The following NCLN variants were observed in gnomAD, a reference collection of about 807,000 sequenced individuals.
NCLN encodes the protein BOS complex subunit NCLN.
In NCLN, 34 loss-of-function variants were observed where a neutral mutation model predicts 69.5. The observed-to-expected ratio is 0.49, with a 90% confidence interval of 0.37 to 0.65. The LOEUF (loss-of-function observed/expected upper bound fraction) is 0.65. Ranked by LOEUF, NCLN falls within the 30% of genes least tolerant of loss-of-function variation. NCLN has a pLI of 0.00. For missense variants in NCLN, 710 were observed against 804.8 expected (o/e 0.88, Z 1.42); for synonymous variants, 393 against 358.3 (o/e 1.10, Z -1.09).
chr19:3,189,631 A>G (rs1220253599), intron 1 of NCLN, among the ~76,000 whole-genome samples: 1 of 152,220 alleles, frequency 6.6e-6, no homozygotes, highest in Non-Finnish European at 1.5e-5. Flanking sequence ...GTCCACCACA[A>G]GTGGTCTCAG....
At chr19:3,191,240 TGA>T (rs911778900) in intron 1 of NCLN, among the ~76,000 whole-genome samples, 1 of 151,874 alleles carries the variant, frequency 6.6e-6, no homozygotes, top group Non-Finnish European at 1.5e-5. Flanking sequence ...GACGTTTTGC[TGA>T]GAGAGGAGGG....
Position 3,207,788 on chromosome 19 carries a change from C to A in NCLN, c.*100C>A. ...CCCGCCGCGGGCGGCCCTGCAGGGA[C>A]AGGGGCCCTCTCCCTCCCCGGCGGT... is the stretch of plus-strand genomic sequence containing the variant. On this transcript the variant is annotated 3_prime_UTR_variant, in exon 15 of 15. Transcript: ENST00000246117. 1.0e-6 allele frequency: 1 copy of A among 977,000 alleles called. No homozygotes were observed. Among genetic ancestry groups the A allele is most frequent in the Non-Finnish European group, 1.6e-6 (1 of 621,152 alleles). The allele number at this position is 977,000 out of a possible 1,614,324, so 60.5% of individuals were successfully genotyped here. A position where few individuals can be genotyped will look rare whatever the true frequency, so the allele number is the denominator to read the frequency against.
rs946878747 is a variant in NCLN, at chr19:3,205,396, G to A, written c.1209-543G>A. Among the ~76,000 whole-genome samples, 5 of 152,236 alleles carry A rather than the reference G, an allele frequency of 3.3e-5. No individual in the cohort carries two copies. The stretch of plus-strand genomic sequence containing the variant: ...CACTGGGCCCTCAGGAGTGGTTTGA[G>A]CTCAGCCATCGGAGGCCTGCAGAAG... On this transcript the variant is annotated intron_variant, in intron 9 of 14. Transcript: ENST00000246117. This position sits in a 1 kb window ranked among gnomAD's most constrained non-coding sequence, Gnocchi z 4.6.
chr19:3,207,676 C>T lies in NCLN; in HGVS notation c.1680C>T (p.Ala560=), dbSNP rs1916308955. 6.2e-7 allele frequency: 1 copy of T among 1,612,510 alleles called. No homozygotes were observed. Among genetic ancestry groups the T allele is most frequent in the African/African-American group, 1.3e-5 (1 of 74,930 alleles). The change falls in exon 15 of 15, where the codon GCC becomes GCT. Residue 560 remains alanine, a synonymous_variant. Coordinates refer to ENST00000246117, the MANE Select transcript of NCLN (RefSeq NM_020170.4). ...YKTVQRLLVK[A]KTQ ...CCGTCCAGAGGCTGCTCGTGAAGGC[C>T]AAGACACAGTGACACAGCCACCCCC...
At position 3,192,474 on chromosome 19, in the gene NCLN, A is replaced by G. The variant is rs570331399; in HGVS notation, c.189A>G (p.Thr63=). Residue 63 remains threonine, a synonymous_variant, in exon 2 of 15, where the codon ACA becomes ACG. Coordinates refer to ENST00000246117, the MANE Select transcript of NCLN (RefSeq NM_020170.4). ...ACCCCGCCCCTGTGCCCACAGGCACACGGAATGCAGTGCTGAACACGGAGG... is the reference window on the plus strand; with the variant it reads ...ACCCCGCCCCTGTGCCCACAGGCACGCGGAATGCAGTGCTGAACACGGAGG... ...QYDLQGQPYG[T]RNAVLNTEAR... is the part of the protein sequence containing the mutation. 1 of 1,593,204 alleles carries G rather than the reference A, an allele frequency of 6.3e-7. No individual in the cohort carries two copies. Among genetic ancestry groups the G allele is most frequent in the Admixed American group, 1.8e-5 (1 of 56,398 alleles).
intron 1 of NCLN, 135 bp downstream of exon 1, chr19:3,186,349 C>A (rs1255078147): frequency 2.9e-6 from 3 of 1,031,890 alleles, no homozygotes; most frequent in African/African-American, 3.4e-5. Flanking sequence ...CGAGGCAGAG[C>A]CCTGCCGCCC....
At chr19:3,207,321 A>C in intron 13 of NCLN, 70 bp downstream of exon 13, 1 of 1,612,464 alleles carries the variant, frequency 6.2e-7, no homozygotes, top group Non-Finnish European at 8.5e-7. Flanking sequence ...ACTGCGGCCC[A>C]CGGGGGTCTA....
Position 3,206,243 on chromosome 19 carries a change from A to G in NCLN, c.1336-19A>G, listed in dbSNP as rs1017366205. The G allele has an allele frequency of 3.9e-6, 6 of 1,538,622 alleles. No homozygotes were observed. The African/African-American group carries it at 4.1e-5, about 11-fold the overall frequency. ...GGGTGGGCGGGGCCAGGCCATGACTACCACCACCGTCCCTACAGCAGATCC... is the reference window on the plus strand; with the variant it reads ...GGGTGGGCGGGGCCAGGCCATGACTGCCACCACCGTCCCTACAGCAGATCC... On this transcript the variant is annotated intron_variant, in intron 11 of 14. Coordinates refer to ENST00000246117, the MANE Select transcript of NCLN (RefSeq NM_020170.4).
At chr19:3,193,647 C>T (rs111459976) in intron 3 of NCLN, among the ~76,000 whole-genome samples, 1 of 152,262 alleles carries the variant, frequency 6.6e-6, no homozygotes, top group Non-Finnish European at 1.5e-5. Flanking sequence ...GCCTGTCCCC[C>T]CTCCCAGCTG....
chr19:3,194,150 C>T (rs548299241), intron 3 of NCLN, among the ~76,000 whole-genome samples: 5 of 152,286 alleles, frequency 3.3e-5, no homozygotes, highest in South Asian at 2.1e-4. Flanking sequence ...GAGGCTGAGG[C>T]GGGTGGGTCC....
At chr19:3,200,469 C>T (rs892621164) in intron 5 of NCLN, among the ~76,000 whole-genome samples, 1 of 151,792 alleles carries the variant, frequency 6.6e-6, no homozygotes, top group Non-Finnish European at 1.5e-5. Context: ...TGCCACCACA[C>T]CTGGCTCATT....
At chr19:3,196,988 G>A (rs1364280462) in intron 4 of NCLN, among the ~76,000 whole-genome samples, 1 of 152,236 alleles carries the variant, frequency 6.6e-6, no homozygotes, top group Non-Finnish European at 1.5e-5. Context: ...GGGGGTGCCC[G>A]AGTGGAAAAG....
At chr19:3,206,114 G>A (rs1253714312) in intron 10 of NCLN, 38 bp from the exon 11 acceptor site, 2 of 1,554,716 alleles carry the variant, frequency 1.3e-6, no homozygotes. Flanking sequence ...CCCACTGCAG[G>A]GGCCTGGACT....
chr19:3,206,289 G>T lies in NCLN; in HGVS notation c.1363G>T (p.Val455Leu). 1 of 1,548,022 alleles carries T rather than the reference G, an allele frequency of 6.5e-7. No homozygotes were observed. The highest frequency in any genetic ancestry group is 8.7e-7 in the Non-Finnish European group (1 of 1,146,840). ...GATCCAGCAGGAGCAGCTGGACTCG[G>T]TGATGGACTGGCTCACCAACCAGCC... is the stretch of plus-strand genomic sequence containing the variant. ...MQIQQEQLDSVMDWLTNQPRA... is the reference protein window; with the variant it reads ...MQIQQEQLDSLMDWLTNQPRA... The change falls in exon 12 of 15, where the codon GTG (valine) becomes TTG (leucine). Residue 455 changes from valine to leucine, a missense_variant. Val to Leu is a conservative substitution (Grantham distance 32). Transcript: ENST00000246117.
chr19:3,201,471 G>A, intron 5 of NCLN, 52 bp from the exon 6 acceptor site: 2 of 1,348,712 alleles, frequency 1.5e-6, no homozygotes, highest in East Asian at 2.5e-5. Flanking sequence ...AGGTCATGGG[G>A]TGCGGGAGCC....
intron 2 of NCLN, among the ~76,000 whole-genome samples, chr19:3,192,870 G>A (rs976206162): frequency 3.3e-5 from 5 of 152,154 alleles, no homozygotes; most frequent in Admixed American, 6.5e-5. Context: ...GGGCCGCTCC[G>A]GGCGTGGAGT....
intron 6 of NCLN, 60 bp downstream of exon 6, chr19:3,201,686 GC>G: frequency 1.5e-6 from 2 of 1,313,934 alleles, no homozygotes; most frequent in Admixed American, 2.1e-5. Context: ...GGACAGCGCT[GC>G]CCACCAGGCA....
intron 4 of NCLN, among the ~76,000 whole-genome samples, chr19:3,198,415 G>T (rs1221518192): frequency 6.6e-6 from 1 of 151,308 alleles, no homozygotes; most frequent in African/African-American, 2.4e-5. Context: ...GCCGAGGCAG[G>T]AGAATGGCGT....
rs775548593 is a variant in NCLN at position 3,207,641 on chromosome 19, C to T, written c.1645C>T (p.Leu549Phe). Residue 549 changes from leucine (L) to phenylalanine (F), a missense_variant, in exon 15 of 15, where the codon CTC becomes TTC. By Grantham distance (22) the Leu-to-Phe change is conservative. Transcript: ENST00000246117. Reference sequence around the variant, plus strand: ...GCTGTGTCCCCAGCACTTCAGCCTCCTCTACAAGACCGTCCAGAGGCTGCT... The same window carrying T: ...GCTGTGTCCCCAGCACTTCAGCCTCTTCTACAAGACCGTCCAGAGGCTGCT... Reference protein sequence around the residue: ...AYVAVQHFSLLYKTVQRLLVK... With the variant: ...AYVAVQHFSLFYKTVQRLLVK... 1 of 1,612,998 alleles carries T rather than the reference C, an allele frequency of 6.2e-7. No homozygotes were observed. The highest frequency in any genetic ancestry group is 8.5e-7 in the Non-Finnish European group (1 of 1,179,896).
Sources: gnomAD v4.1 joint callset for allele counts (sites outside exome capture counted in the v4.1 genomes callset) on GRCh38, gnomAD v4.1.1 for gene constraint, Gnocchi (gnomAD v3.1) non-coding constraint, MANE v1.5 for transcripts, NCBI Gene and HGNC (gene_info 2026-07-23, HGNC 2026-07-21) for gene names.